The following ABCC6 variants were observed in gnomAD, a reference collection of about 807,000 sequenced individuals.
ABCC6 encodes ATP binding cassette subfamily C member 6, also known as ATP-binding cassette sub-family C member 6.
ABCC6 carries 126 observed loss-of-function variants against 169.5 expected under a neutral mutation model. The observed-to-expected ratio is 0.74, with a 90% confidence interval of 0.64 to 0.86. The LOEUF is 0.86. ABCC6 is among the 40% of genes least tolerant of loss of function. The pLI, the probability that ABCC6 is intolerant of heterozygous loss-of-function variation, is 0.00. For missense variants in ABCC6, 1,733 were observed against 1,927.2 expected, an observed-to-expected ratio of 0.90 and a Z score of 1.89; for synonymous variants, 752 against 814.7, an observed-to-expected ratio of 0.92 and a Z score of 1.31.
rs374546971 is a variant in ABCC6 at position 16,190,232 on chromosome 16, C to T, written c.1567G>A (p.Gly523Ser). The T allele has an allele frequency of 3.1e-6, 5 of 1,614,118 alleles. No individual in the cohort carries two copies. The highest frequency in any genetic ancestry group is 4.2e-6 in the Non-Finnish European group (5 of 1,180,036). The change falls in exon 12 of 31, where the codon GGC (glycine) becomes AGC (serine). Residue 523 changes from glycine (G) to serine (S), a missense_variant. Coordinates refer to ENST00000205557, the MANE Select transcript of ABCC6 (RefSeq NM_001171.6). ...AGGAGGCCGGAGGTCCGCAAGGCGC[C>T]CAGCTCCTGGCCTCGGATGCCCAGG... ...RVLGIRGQELGALRTSGLLFS... is the reference protein window; with the variant it reads ...RVLGIRGQELSALRTSGLLFS...
intron 5 of ABCC6, among the ~76,000 whole-genome samples, chr16:16,214,090 G>A (rs1171453256): frequency 3.9e-5 from 6 of 152,022 alleles, no homozygotes; most frequent in African/African-American, 7.3e-5. Context: ...CTGCTTTTGC[G>A]TTCAATGGCA....
rs754429280 is a variant in ABCC6 at position 16,202,051 on chromosome 16, C to T, written c.1126G>A (p.Val376Met). Reference protein sequence around the residue: ...FEQQNMYRLKVLQMRLRSAIT... With the variant: ...FEQQNMYRLKMLQMRLRSAIT... Reference sequence around the variant, plus strand: ...GCCGACCGCAACCTCATCTGCAGCACCTTGAGCCTGTACATGTTCTGCTGC... The same window carrying T: ...GCCGACCGCAACCTCATCTGCAGCATCTTGAGCCTGTACATGTTCTGCTGC... The change falls in exon 9 of 31, where the codon GTG becomes ATG. Residue 376 changes from valine (V) to methionine (M), a missense_variant. By Grantham distance (21) the Val-to-Met change is conservative. Transcript: ENST00000205557. 3.1e-6 allele frequency: 5 copies of T among 1,613,880 alleles called. No homozygotes were observed. The Admixed American group carries it at 8.3e-5, about 27-fold the overall frequency.
chr16:16,197,011 A>T (rs6498620), intron 10 of ABCC6, among the ~76,000 whole-genome samples: 86,117 of 152,018 alleles, frequency 0.57, 24,841 homozygotes, highest in East Asian at 0.85. Context: ...ATTTTAATTT[A>T]AAAAAAGAAA....
At chr16:16,162,064 G>A (rs2046738506) in intron 24 of ABCC6, among the ~76,000 whole-genome samples, 1 of 152,180 alleles carries the variant, frequency 6.6e-6, no homozygotes, top group Non-Finnish European at 1.5e-5. Flanking sequence ...CTCTCCTGCT[G>A]CCATGTAAGA....
rs72653792 is a variant in ABCC6 at position 16,178,854 on chromosome 16, C to T, written c.2359G>A (p.Val787Ile). The change falls in exon 18 of 31, where the codon GTT becomes ATT. Residue 787 changes from valine (V) to isoleucine (I), a missense_variant. Val to Ile is a conservative substitution (Grantham distance 29). Coordinates refer to ENST00000205557, the MANE Select transcript of ABCC6 (RefSeq NM_001171.6). ...DDPLAALDAH[V>I]GQHVFNQVIG... The stretch of plus-strand genomic sequence containing the variant: ...ACCTGGTTGAAGACATGCTGGCCAA[C>T]GTGGGCATCCAGGGCCGCCAGGGGG... 656 of 1,613,516 alleles carry T rather than the reference C, an allele frequency of 4.1e-4. 2 individuals carry two copies. The highest frequency in any genetic ancestry group is 1.3e-3 in the Middle Eastern group (8 of 5,946).
At chr16:16,220,795 G>A (rs1178521786) in intron 2 of ABCC6, among the ~76,000 whole-genome samples, 1 of 151,762 alleles carries the variant, frequency 6.6e-6, no homozygotes, top group Non-Finnish European at 1.5e-5. Context: ...TACTCGGGAA[G>A]CTGAGGCAGG....
chr16:16,191,400 C>T (rs2047850796), intron 11 of ABCC6, among the ~76,000 whole-genome samples: 1 of 151,990 alleles, frequency 6.6e-6, no homozygotes, highest in South Asian at 2.1e-4. Context: ...ACAGGTGTGG[C>T]CTCCCAAAGT....
intron 29 of ABCC6, among the ~76,000 whole-genome samples, chr16:16,153,120 G>A (rs2046437626): frequency 6.6e-6 from 1 of 152,124 alleles, no homozygotes; most frequent in Admixed American, 6.5e-5. Context: ...GGTCAGGCTG[G>A]TCTTGAACTC....
At chr16:16,161,402 T>C (rs1029123916) in intron 25 of ABCC6, 36 bp downstream of exon 25, 4 of 1,613,254 alleles carry the variant, frequency 2.5e-6, no homozygotes, top group Non-Finnish European at 3.4e-6. Flanking sequence ...TGCCTCTGTC[T>C]GTCCCTCAAG....
chr16:16,161,063 C>T (rs190389918), intron 25 of ABCC6, among the ~76,000 whole-genome samples: 52 of 152,298 alleles, frequency 3.4e-4, no homozygotes, highest in Admixed American at 1.6e-3. Context: ...CGAGATTGCA[C>T]CACTGCACTC....
intron 19 of ABCC6, 107 bp downstream of exon 19, chr16:16,177,345 C>T (rs1200368254): frequency 7.7e-7 from 1 of 1,303,168 alleles, no homozygotes; most frequent in African/African-American, 1.5e-5. Context: ...GGCCTGCAGA[C>T]AGGGTGTGGC....
At chr16:16,181,021 G>C (rs1275210233) in intron 17 of ABCC6, among the ~76,000 whole-genome samples, 1 of 152,102 alleles carries the variant, frequency 6.6e-6, no homozygotes, top group East Asian at 1.9e-4. Context: ...AAAGCAGGGG[G>C]AGCCAGGTTC....
intron 6 of ABCC6, among the ~76,000 whole-genome samples, chr16:16,210,156 A>G (rs977019812): frequency 1.3e-5 from 2 of 151,496 alleles, no homozygotes; most frequent in Non-Finnish European, 2.9e-5. Flanking sequence ...TATTTTTTTG[A>G]GATGGAATCT....
At chr16:16,212,044 G>A in intron 6 of ABCC6, 141 bp downstream of exon 6, 3 of 630,496 alleles carry the variant, frequency 4.8e-6, no homozygotes, top group Admixed American at 2.2e-5. Flanking sequence ...CACTGAACAC[G>A]AAGAAGAAAG....
At chr16:16,179,046 C>A in intron 17 of ABCC6, 81 bp from the exon 18 acceptor site, 4 of 1,466,816 alleles carry the variant, frequency 2.7e-6, no homozygotes, top group Non-Finnish European at 3.7e-6. Context: ...CAGGTCAGGG[C>A]ACACCTGCCC....
At chr16:16,153,304 G>T (rs1292281012) in intron 29 of ABCC6, among the ~76,000 whole-genome samples, 1 of 152,198 alleles carries the variant, frequency 6.6e-6, no homozygotes, top group Non-Finnish European at 1.5e-5. Context: ...TCTACTGGCA[G>T]ATAAACGGAT....
Position 16,183,928 on chromosome 16 carries a change from C to T in ABCC6, c.1944-998G>A, listed in dbSNP as rs572961860. Among the ~76,000 whole-genome samples the T allele has an allele frequency of 7.9e-5, 12 of 152,142 alleles. No individual in the cohort carries two copies. The South Asian group carries it at 1.2e-3, about 16-fold the overall frequency. ...GAAGGTTCTTCTCCCAGGCCGGGCA[C>T]GGTGGCTCATGCCTGTAATCCTAGT... On this transcript the variant is annotated intron_variant, in intron 15 of 30. Coordinates refer to ENST00000205557, the MANE Select transcript of ABCC6 (RefSeq NM_001171.6).
Position 16,171,962 on chromosome 16 carries a change from G to A in ABCC6, c.2787+1322C>T, listed in dbSNP as rs1270853681. Among the ~76,000 whole-genome samples, 47 of 123,902 alleles carry A rather than the reference G, an allele frequency of 3.8e-4. 1 individual carries two copies. The highest frequency in any genetic ancestry group is 7.0e-4 in the Non-Finnish European group (41 of 58,466). 81.3% of individuals were successfully genotyped at this position (123,902 alleles called of 152,430 possible). ...GGGTGGGATGGATAAATGAGTGGTT[G>A]GGTGGGTGGGATGGATAAATAAGTG... On this transcript the variant is annotated intron_variant, in intron 21 of 30. Transcript: ENST00000205557.
intron 7 of ABCC6, among the ~76,000 whole-genome samples, chr16:16,207,578 G>A (rs1211916159): frequency 6.6e-6 from 1 of 151,856 alleles, no homozygotes; most frequent in Admixed American, 6.6e-5. Flanking sequence ...CTCTCTTAAT[G>A]TGTGGGATTC....
Sources: gnomAD v4.1 joint callset for allele counts (sites outside exome capture counted in the v4.1 genomes callset) on GRCh38, gnomAD v4.1.1 for gene constraint, MANE v1.5 for transcripts, NCBI Gene and HGNC (gene_info 2026-07-23, HGNC 2026-07-21) for gene names.